Variants in ASIC2 observed in about 807,000 individuals in gnomAD.
The protein encoded by ASIC2 is acid sensing ion channel subunit 2, also known as acid-sensing ion channel 2.
A neutral mutation model predicts 57.3 loss-of-function variants in ASIC2; 25 were observed. The observed-to-expected ratio is 0.44, with a 90% CI of 0.32 to 0.61. The LOEUF is 0.61. Among genes scored for constraint, ASIC2 ranks in the 20% least tolerant of loss-of-function variants. ASIC2 has a pLI of 0.06. For missense variants in ASIC2, 641 were observed against 738.1 expected, an observed-to-expected ratio of 0.87 and a Z score of 1.52; for synonymous variants, 319 against 307.5, an observed-to-expected ratio of 1.04 and a Z score of -0.39.
chr17:34,124,786 A>G (rs1167673372), intron 1 of ASIC2, among the ~76,000 whole-genome samples: 1 of 151,938 alleles, frequency 6.6e-6, no homozygotes, highest in Non-Finnish European at 1.5e-5. Flanking sequence ...CTCTTCCTGT[A>G]ATGACGCTAA....
chr17:33,644,296 A>G (rs1215903558), intron 1 of ASIC2, among the ~76,000 whole-genome samples: 1 of 152,118 alleles, frequency 6.6e-6, no homozygotes, highest in Non-Finnish European at 1.5e-5. Context: ...ATTGATTATG[A>G]TGGGCTGTTG....
rs185299942 is a variant in ASIC2 at position 33,193,029 on chromosome 17, G to T, written c.709-80962C>A. 3.9e-5 allele frequency among the ~76,000 whole-genome samples: 6 copies of T among 152,288 alleles called. No individual in the cohort carries two copies. The East Asian group carries it at 7.7e-4, about 20-fold the overall frequency. ...CAGAAGCTTGCTAAGCAACTGAATT[G>T]TTCACCCTGGGTTTCGGGGAAATGT... On this transcript the variant is annotated intron_variant, in intron 1 of 9. Transcript: ENST00000225823.
intron 1 of ASIC2, chr17:34,070,654 G>C (rs996393733): frequency 1.8e-4 from 27 of 152,196 alleles, no homozygotes; most frequent in Non-Finnish European, 7.3e-5. Flanking sequence ...GCTCCTACGA[G>C]GAATTGCTGA....
intron 1 of ASIC2, among the ~76,000 whole-genome samples, chr17:33,272,801 C>T (rs1402494634): frequency 3.3e-5 from 5 of 152,314 alleles, no homozygotes; most frequent in African/African-American, 1.2e-4. Flanking sequence ...TCTTTGGTTT[C>T]TCAGAACATC....
At chr17:34,059,974 C>A (rs1266393578) in intron 1 of ASIC2, among the ~76,000 whole-genome samples, 3 of 152,200 alleles carry the variant, frequency 2.0e-5, no homozygotes, top group African/African-American at 7.2e-5. Context: ...ACCACCAGAC[C>A]CCTCTCTACA....
chr17:34,071,899 A>G (rs1052821862), intron 1 of ASIC2: 2 of 152,182 alleles, frequency 1.3e-5, no homozygotes, highest in African/African-American at 4.8e-5. Context: ...TCTGGCTAAG[A>G]AAAAAAGAAT....
At position 34,078,049 on chromosome 17, in the gene ASIC2, C is replaced by T. The variant is rs912420080; in HGVS notation, c.555+77929G>A. ...GCCCCTACAGCTTCTGTCCAGAATG[C>T]CCTCCTCCTGGCCTCTCCGTTTCAC... On this transcript the variant is annotated intron_variant, in intron 1 of 9. Coordinates refer to the ASIC2 transcript ENST00000359872. Among the ~76,000 whole-genome samples, 4 of 152,138 alleles carry T rather than the reference C, an allele frequency of 2.6e-5. No homozygotes were observed. The South Asian group carries it at 8.3e-4, about 32-fold the overall frequency.
chr17:33,237,315 C>T (rs1192569857), intron 1 of ASIC2, among the ~76,000 whole-genome samples: 2 of 150,970 alleles, frequency 1.3e-5, no homozygotes, highest in African/African-American at 4.9e-5. Flanking sequence ...AGGTATTGGT[C>T]TCTGCAATTA....
intron 1 of ASIC2, among the ~76,000 whole-genome samples, chr17:33,770,669 C>A (rs1340061189): frequency 1.3e-5 from 2 of 152,190 alleles, no homozygotes; most frequent in African/African-American, 4.8e-5. Context: ...CAATCAAGCC[C>A]ATGGAGACAG....
chr17:33,384,780 C>A (rs1021574857), intron 1 of ASIC2, among the ~76,000 whole-genome samples: 3 of 152,242 alleles, frequency 2.0e-5, no homozygotes, highest in Non-Finnish European at 2.9e-5. Flanking sequence ...CCAAGCCAAT[C>A]TGAGTCCCTA....
intron 1 of ASIC2, among the ~76,000 whole-genome samples, chr17:33,228,831 A>C (rs1280222447): frequency 6.6e-6 from 1 of 152,262 alleles, no homozygotes; most frequent in African/African-American, 2.4e-5. Flanking sequence ...TCGTGCCTCC[A>C]TCCTTCCAGG....
chr17:33,162,841 T>C (rs1905199636), intron 1 of ASIC2, among the ~76,000 whole-genome samples: 1 of 152,254 alleles, frequency 6.6e-6, no homozygotes. Flanking sequence ...GGGCAGCTTC[T>C]GTAGGTCACT....
chr17:33,817,919 C>A (rs1195251787), intron 1 of ASIC2, among the ~76,000 whole-genome samples: 3 of 152,180 alleles, frequency 2.0e-5, no homozygotes, highest in East Asian at 3.9e-4. Context: ...GGCATCTTTC[C>A]CTCTTTCTGC....
chr17:33,740,817 G>A (rs1329793709), intron 1 of ASIC2, among the ~76,000 whole-genome samples: 1 of 152,186 alleles, frequency 6.6e-6, no homozygotes, highest in African/African-American at 2.4e-5. Context: ...GTGGGGTATG[G>A]TTCTGGGACC....
chr17:33,806,528 C>A (rs987071924), intron 1 of ASIC2, among the ~76,000 whole-genome samples: 8 of 152,154 alleles, frequency 5.3e-5, no homozygotes, highest in African/African-American at 1.9e-4. Context: ...TCCGTAGAAT[C>A]CTATTGTAAC....
chr17:33,139,388 T>G (rs2092378650), intron 1 of ASIC2, among the ~76,000 whole-genome samples: 1 of 152,252 alleles, frequency 6.6e-6, no homozygotes, highest in South Asian at 2.1e-4. Flanking sequence ...AAAGTAAATT[T>G]TCTTGGAAAA....
chr17:33,697,928 T>C (rs1353960869), intron 1 of ASIC2, among the ~76,000 whole-genome samples: 1 of 152,228 alleles, frequency 6.6e-6, no homozygotes, highest in Non-Finnish European at 1.5e-5. Flanking sequence ...GGCTTGATTA[T>C]TTTGGTTGTA....
chr17:33,625,129 GTCTATCTATCTA>G lies in ASIC2; in HGVS notation c.556-513074_556-513063del, dbSNP rs199907150. ...TTATCAAAGACAATGTGGCCTCTCT[GTCTATCTATCTA>G]TCTATCTATCTATCTATCTATCTAT... On this transcript the variant is annotated intron_variant, in intron 1 of 9. Transcript: ENST00000359872. Among the ~76,000 whole-genome samples the G allele has an allele frequency of 5.1e-3, 748 of 146,438 alleles. 1 individual carries two copies. Among genetic ancestry groups the G allele is most frequent in the Non-Finnish European group, 5.0e-3 (330 of 65,870 alleles).
At chr17:33,878,359 A>G (rs1914607604) in intron 1 of ASIC2, among the ~76,000 whole-genome samples, 2 of 152,168 alleles carry the variant, frequency 1.3e-5, no homozygotes, top group African/African-American at 4.8e-5. Context: ...AAAAACCTTG[A>G]AAAAAATTAG....
Sources: gnomAD v4.1 joint callset for allele counts (sites outside exome capture counted in the v4.1 genomes callset) on GRCh38, gnomAD v4.1.1 for gene constraint, MANE v1.5 for transcripts, NCBI Gene and HGNC (gene_info 2026-07-23, HGNC 2026-07-21) for gene names.